Variants in KRT27 observed in about 807,000 individuals in gnomAD.
The protein encoded by KRT27 is keratin, type I cytoskeletal 27.
KRT27 carries 30 observed loss-of-function variants against 45.3 expected under a neutral mutation model. The ratio of observed to expected loss-of-function variants is 0.66; its 90% CI spans 0.50 to 0.90. The LOEUF (loss-of-function observed/expected upper bound fraction) is 0.90. KRT27 is among the 40% of genes least tolerant of loss of function. The probability of loss-of-function intolerance (pLI) is 0.00; values close to 1 mark genes in which losing one functional copy is unlikely to be tolerated. For synonymous variants in KRT27, 204 were observed against 223.9 expected (o/e 0.91, Z 0.79); for missense variants, 610 against 564.3 (o/e 1.08, Z -0.82).
chr17:40,781,197 A>G lies in KRT27; in HGVS notation c.518T>C (p.Phe173Ser), dbSNP rs760848012. Residue 173 changes from phenylalanine to serine, a missense_variant, in exon 2 of 8, where the codon TTC becomes TCC. Transcript: ENST00000301656. ...NDNARLTADD[F>S]RLKFENELAL... is the part of the protein sequence containing the mutation. ...CTTCAGCTCTACTTACTTTAGTCTGAAGTCATCAGCTGTTAGTCTTGCATT... is the reference window on the plus strand; with the variant it reads ...CTTCAGCTCTACTTACTTTAGTCTGGAGTCATCAGCTGTTAGTCTTGCATT... 6.1e-5 allele frequency: 98 copies of G among 1,608,600 alleles called. No individual in the cohort carries two copies. The East Asian group carries it at 2.1e-3, about 34-fold the overall frequency.
Position 40,777,132 on chromosome 17 carries a change from G to C in KRT27, c.1247C>G (p.Ser416Cys). The C allele has an allele frequency of 1.2e-6, 2 of 1,613,552 alleles. No individual in the cohort carries two copies. Among genetic ancestry groups the C allele is most frequent in the South Asian group, 2.2e-5 (2 of 90,948 alleles). ...GGPGNQTKDS[S>C]KTTIVKTVVE... Reference sequence around the variant, plus strand: ...AACTGTTTTGACAATGGTGGTTTTAGATGAATCTAAAATGCCACATATAAA... The same window carrying C: ...AACTGTTTTGACAATGGTGGTTTTACATGAATCTAAAATGCCACATATAAA... Residue 416 changes from serine to cysteine, a missense_variant, in exon 8 of 8, where the codon TCT becomes TGT. Coordinates refer to ENST00000301656, the MANE Select transcript of KRT27 (RefSeq NM_181537.4).
chr17:40,778,577 C>G (rs1027527304), intron 5 of KRT27, among the ~76,000 whole-genome samples: 3 of 152,210 alleles, frequency 2.0e-5, no homozygotes, highest in African/African-American at 7.2e-5. Flanking sequence ...TGAGTTATAA[C>G]GTCTGCCCTG....
rs1039967496 is a variant in KRT27 at position 40,777,849 on chromosome 17, C to T, written c.973-117G>A. The T allele has an allele frequency of 5.8e-6, 6 of 1,040,154 alleles. No individual in the cohort carries two copies. The African/African-American group carries it at 9.7e-5, about 17-fold the overall frequency. 64.4% of individuals were successfully genotyped at this position (1,040,154 alleles called of 1,614,324 possible). ...TACATCATGCAAATAATTATATTTA[C>T]CCAAAAGATTCCACTTCTTCAATAT... is the stretch of plus-strand genomic sequence containing the variant. On this transcript the variant is annotated intron_variant, in intron 5 of 7. Coordinates refer to ENST00000301656, the MANE Select transcript of KRT27 (RefSeq NM_181537.4).
chr17:40,779,577 T>C lies in KRT27; in HGVS notation c.897A>G (p.Ser299=). 1.2e-6 allele frequency: 2 copies of C among 1,614,232 alleles called. No homozygotes were observed. Among genetic ancestry groups the C allele is most frequent in the Non-Finnish European group, 1.7e-6 (2 of 1,180,028 alleles). Residue 299 remains serine, a synonymous_variant, in exon 5 of 8, where the codon TCA becomes TCG. Coordinates refer to ENST00000301656, the MANE Select transcript of KRT27 (RefSeq NM_181537.4). ...TCATCTCGATAAGCTCATTCCGGGCTGAGGTGGTGGCGCCAGCGTCGTCAG... is the reference window on the plus strand; with the variant it reads ...TCATCTCGATAAGCTCATTCCGGGCCGAGGTGGTGGCGCCAGCGTCGTCAG... ...QISDDAGATT[S]ARNELIEMKR...
chr17:40,779,757 C>G lies in KRT27; in HGVS notation c.789G>C (p.Glu263Asp), dbSNP rs1463620369. 6.2e-7 allele frequency: 1 copy of G among 1,614,150 alleles called. No homozygotes were observed. The highest frequency in any genetic ancestry group is 1.3e-5 in the African/African-American group (1 of 74,954). ...GGTTCTGCTCTGCGAGGGCTTCGTA[C>G]TCAGCTCGCATATTGTTCAGCAGAA... is the stretch of plus-strand genomic sequence containing the variant. ...LTVLLNNMRAEYEALAEQNRR... is the reference protein window; with the variant it reads ...LTVLLNNMRADYEALAEQNRR... Residue 263 changes from glutamate (E) to aspartate (D), a missense_variant, in exon 4 of 8, where the codon GAG becomes GAC. Transcript: ENST00000301656.
In KRT27 at chr17:40,777,150, C is replaced by T. The variant is rs1422341114; in HGVS notation, c.1241-12G>A. The T allele has an allele frequency of 6.2e-7, 1 of 1,612,674 alleles. No homozygotes were observed. The highest frequency in any genetic ancestry group is 8.5e-7 in the Non-Finnish European group (1 of 1,179,326). On this transcript the variant is annotated splice_polypyrimidine_tract_variant and intron_variant, in intron 7 of 7. Transcript: ENST00000301656. ...GGTTTTAGATGAATCTAAAATGCCA[C>T]ATATAAACTGTTTAGAATTTATCAA...
intron 1 of KRT27, 91 bp from the exon 2 acceptor site, chr17:40,781,361 A>G: frequency 1.4e-6 from 1 of 738,884 alleles, no homozygotes; most frequent in Non-Finnish European, 2.3e-6. Context: ...AATTATAGTA[A>G]TATTTCTGGC....
chr17:40,778,298 C>T lies in KRT27; in HGVS notation c.973-566G>A, dbSNP rs906634070. Among the ~76,000 whole-genome samples the T allele has an allele frequency of 1.6e-4, 25 of 152,338 alleles. No individual in the cohort carries two copies. The East Asian group carries it at 4.2e-3, about 26-fold the overall frequency. On this transcript the variant is annotated intron_variant, in intron 5 of 7. Coordinates refer to ENST00000301656, the MANE Select transcript of KRT27 (RefSeq NM_181537.4). ...GGTTTACAGATATACTCAGAGGGAA[C>T]ACTCACTGCAATTTTACATGGAATG...
Position 40,779,598 on chromosome 17 carries a change from G to T in KRT27, c.876C>A (p.Asp292Glu). The change falls in exon 5 of 8, where the codon GAC becomes GAA. Residue 292 changes from aspartate (D) to glutamate (E), a missense_variant. Asp to Glu is a conservative substitution (Grantham distance 45). Transcript: ENST00000301656. ...GGGCTGAGGTGGTGGCGCCAGCGTC[G>T]TCAGAGATCTGCTGCTGCAGCGAGG... is the stretch of plus-strand genomic sequence containing the variant. Reference protein sequence around the residue: ...KSASLQQQISDDAGATTSARN... With the variant: ...KSASLQQQISEDAGATTSARN... 2 of 1,614,220 alleles carry T rather than the reference G, an allele frequency of 1.2e-6. No homozygotes were observed. Among genetic ancestry groups the T allele is most frequent in the Non-Finnish European group, 1.7e-6 (2 of 1,180,020 alleles).
chr17:40,779,383 G>T, intron 5 of KRT27, 119 bp downstream of exon 5: 1 of 1,270,666 alleles, frequency 7.9e-7, no homozygotes, highest in Non-Finnish European at 1.1e-6. Context: ...TATGTCTTAT[G>T]TCAAGCACTG....
Position 40,776,953 on chromosome 17 carries a change from T to G in KRT27, c.*46A>C. On this transcript the variant is annotated 3_prime_UTR_variant, in exon 8 of 8. Coordinates refer to ENST00000301656, the MANE Select transcript of KRT27 (RefSeq NM_181537.4). ...ACCCTTATTTAGGAAACTAGCTTCATTTTGGTATTTTAATTTGGGGGCCAT... is the reference window on the plus strand; with the variant it reads ...ACCCTTATTTAGGAAACTAGCTTCAGTTTGGTATTTTAATTTGGGGGCCAT... 6.5e-7 allele frequency: 1 copy of G among 1,536,334 alleles called. No individual in the cohort carries two copies. The highest frequency in any genetic ancestry group is 8.8e-7 in the Non-Finnish European group (1 of 1,132,248).
rs1281633319 is a variant in KRT27, at chr17:40,781,315, G to T, written c.445-45C>A. On this transcript the variant is annotated intron_variant, in intron 1 of 7. Transcript: ENST00000301656. Reference sequence around the variant, plus strand: ...TTAAGATTGAGGAAATATTTAAGATGCATTTCAAAGTTCCTTGAAATAAAA... The same window carrying T: ...TTAAGATTGAGGAAATATTTAAGATTCATTTCAAAGTTCCTTGAAATAAAA... 6.3e-6 allele frequency: 7 copies of T among 1,118,076 alleles called. No homozygotes were observed. In the Admixed American group the frequency reaches 1.1e-4, roughly 18 times the overall value. 69.3% of individuals were successfully genotyped at this position (1,118,076 alleles called of 1,614,324 possible).
Position 40,780,411 on chromosome 17 carries a change from G to GATGTCCGCCTCCACC in KRT27, c.572_573insGGTGGAGGCGGACAT (p.Asp190_Ile191insMetValGluAlaAsp). On this transcript the variant is annotated inframe_insertion, in exon 3 of 8. Transcript: ENST00000301656. ...CATCCAGGACTCTTCGCAAACCATT[G>GATGTCCGCCTCCACC]ATGTCCGCCTCCACGCTCTGGTGAA... The GATGTCCGCCTCCACC allele has an allele frequency of 1.1e-5, 18 of 1,613,826 alleles. No homozygotes were observed. Among genetic ancestry groups the GATGTCCGCCTCCACC allele is most frequent in the Non-Finnish European group, 1.5e-5 (18 of 1,179,940 alleles).
chr17:40,781,304 A>G lies in KRT27; in HGVS notation c.445-34T>C, dbSNP rs2038309741. ...TGAAAAGTTAGTTAAGATTGAGGAA[A>G]TATTTAAGATGCATTTCAAAGTTCC... is the stretch of plus-strand genomic sequence containing the variant. On this transcript the variant is annotated intron_variant, in intron 1 of 7. Coordinates refer to ENST00000301656, the MANE Select transcript of KRT27 (RefSeq NM_181537.4). 3.3e-6 allele frequency: 4 copies of G among 1,227,074 alleles called. No individual in the cohort carries two copies. The Admixed American group carries it at 5.6e-5, about 17-fold the overall frequency. 76.0% of individuals were successfully genotyped at this position (1,227,074 alleles called of 1,614,324 possible).
chr17:40,782,222 A>T lies in KRT27; in HGVS notation c.272T>A (p.Leu91His), dbSNP rs749879911. ...SGNEKVTMQN[L>H]NDRLASYLEN... ...CAGGTAGGAGGCCAAGCGGTCGTTG[A>T]GGTTCTGCATGGTCACCTTCTCATT... Residue 91 changes from leucine (L) to histidine (H), a missense_variant, in exon 1 of 8, where the codon CTC (leucine) becomes CAC (histidine). Coordinates refer to ENST00000301656, the MANE Select transcript of KRT27 (RefSeq NM_181537.4). The T allele has an allele frequency of 1.2e-6, 2 of 1,614,024 alleles. No individual in the cohort carries two copies. Among genetic ancestry groups the T allele is most frequent in the Admixed American group, 3.3e-5 (2 of 60,014 alleles).
At chr17:40,779,362 C>A (rs2038289656) in intron 5 of KRT27, 140 bp downstream of exon 5, 4 of 1,073,164 alleles carry the variant, frequency 3.7e-6, no homozygotes. Context: ...TTGTCATGTG[C>A]AAAATGCAAA....
chr17:40,782,204 G>C lies in KRT27; in HGVS notation c.290C>G (p.Ser97Cys). 6.2e-7 allele frequency: 1 copy of C among 1,614,200 alleles called. No homozygotes were observed. Among genetic ancestry groups the C allele is most frequent in the East Asian group, 2.2e-5 (1 of 44,878 alleles). The change falls in exon 1 of 8, where the codon TCC becomes TGC. Residue 97 changes from serine (S) to cysteine (C), a missense_variant. Coordinates refer to ENST00000301656, the MANE Select transcript of KRT27 (RefSeq NM_181537.4). The part of the protein sequence containing the change: ...TMQNLNDRLA[S>C]YLENVRALEE... ...TAGGGCTCGAACATTCTCCAGGTAG[G>C]AGGCCAAGCGGTCGTTGAGGTTCTG... is the stretch of plus-strand genomic sequence containing the variant.
rs781237080 is a variant in KRT27, at chr17:40,779,772, G to T, written c.774C>A (p.Asn258Lys). ...APGVDLTVLL[N>K]NMRAEYEALA... is the part of the protein sequence containing the mutation. ...GGGCTTCGTACTCAGCTCGCATATT[G>T]TTCAGCAGAACCGTGAGGTCTACCC... Residue 258 changes from asparagine (N) to lysine (K), a missense_variant, in exon 4 of 8, where the codon AAC becomes AAA. Transcript: ENST00000301656. 3.7e-6 allele frequency: 6 copies of T among 1,614,244 alleles called. No homozygotes were observed. Among genetic ancestry groups the T allele is most frequent in the Non-Finnish European group, 5.1e-6 (6 of 1,180,016 alleles).
At position 40,779,620 on chromosome 17, in the gene KRT27, G is replaced by A. The variant is rs754672693; in HGVS notation, c.854C>T (p.Ser285Leu). ...GTCGTCAGAGATCTGCTGCTGCAGC[G>A]AGGCGCTCTGGAACGGCAGGGGCCG... ...AEAWFNEKSA[S>L]LQQQISDDAG... The change falls in exon 5 of 8, where the codon TCG (serine) becomes TTG (leucine). Residue 285 changes from serine (S) to leucine (L), a missense_variant. Ser to Leu is a moderately radical substitution (Grantham distance 145). Transcript: ENST00000301656. 2 of 1,614,186 alleles carry A rather than the reference G, an allele frequency of 1.2e-6. No homozygotes were observed. Among genetic ancestry groups the A allele is most frequent in the South Asian group, 2.2e-5 (2 of 91,090 alleles).
Sources: allele counts gnomAD v4.1 joint callset (sites outside exome capture counted in the v4.1 genomes callset), GRCh38; gene constraint gnomAD v4.1.1; transcripts MANE v1.5; gene names NCBI Gene and HGNC (gene_info 2026-07-23, HGNC 2026-07-21).